Variants in SUN3 observed in about 807,000 individuals in gnomAD.
The protein encoded by SUN3 is SUN domain-containing protein 3.
Under a neutral mutation model 48.2 loss-of-function variants are expected in SUN3, and 36 were observed. That is an observed-to-expected ratio of 0.75 (90% CI 0.57 to 0.99). SUN3 has a LOEUF of 0.99. Among genes scored for constraint, SUN3 ranks in the 50% least tolerant of loss-of-function variants. SUN3 has a pLI of 0.00. For missense variants in SUN3, 419 were observed against 433.1 expected, an observed-to-expected ratio of 0.97 and a Z score of 0.29; for synonymous variants, 148 against 147.9, an observed-to-expected ratio of 1.00 and a Z score of 0.00.
chr7:48,034,764 C>A, the SUN3 span, among the ~76,000 whole-genome samples: 1 of 152,066 alleles, frequency 6.6e-6, no homozygotes, highest in Non-Finnish European at 1.5e-5. Flanking sequence ...TCTCAAAATC[C>A]AGGCAGGCAA....
intron 2 of SUN3, among the ~76,000 whole-genome samples, chr7:48,025,122 C>A (rs963083090): frequency 6.6e-6 from 1 of 152,116 alleles, no homozygotes; most frequent in Non-Finnish European, 1.5e-5. Context: ...CACAGCATCA[C>A]TATTCACAAT....
Position 48,007,343 on chromosome 7 carries a change from C to G in SUN3, c.330-16G>C. 6.2e-7 allele frequency: 1 copy of G among 1,610,046 alleles called. No homozygotes were observed. Among genetic ancestry groups the G allele is most frequent in the East Asian group, 2.2e-5 (1 of 44,880 alleles). Reference sequence around the variant, plus strand: ...GCTTTCCTTCCTGTAAAGGGAAAATCTCAGCATGAGAGGAAGAAAGTGTAA... The same window carrying G: ...GCTTTCCTTCCTGTAAAGGGAAAATGTCAGCATGAGAGGAAGAAAGTGTAA... On this transcript the variant is annotated splice_polypyrimidine_tract_variant and intron_variant, in intron 4 of 9. Transcript: ENST00000297325.
At chr7:47,988,247 CA>C (rs1449762346) in intron 9 of SUN3, among the ~76,000 whole-genome samples, 1 of 152,188 alleles carries the variant, frequency 6.6e-6, no homozygotes, top group Non-Finnish European at 1.5e-5. Flanking sequence ...TACATCTCTT[CA>C]GTTACTCCCT....
chr7:48,008,576 A>C (rs1351783349), intron 4 of SUN3, among the ~76,000 whole-genome samples: 1 of 152,230 alleles, frequency 6.6e-6, no homozygotes, highest in Non-Finnish European at 1.5e-5. Context: ...GTATTTTGTC[A>C]AGGAATGCTC....
intron 4 of SUN3, among the ~76,000 whole-genome samples, chr7:48,008,116 G>A (rs1260769236): frequency 3.3e-5 from 5 of 152,136 alleles, no homozygotes; most frequent in Admixed American, 1.3e-4. Context: ...GAGCCACCAC[G>A]CCCGGCCAAG....
chr7:48,033,764 T>C (rs1233884067), upstream of SUN3, among the ~76,000 whole-genome samples: 2 of 151,954 alleles, frequency 1.3e-5, no homozygotes, highest in African/African-American at 2.4e-5. Flanking sequence ...AAAAAAAGAA[T>C]AACCTTCTTG....
chr7:48,001,956 G>C (rs961331014), intron 6 of SUN3, among the ~76,000 whole-genome samples: 8 of 152,092 alleles, frequency 5.3e-5, no homozygotes, highest in African/African-American at 1.7e-4. Context: ...GGTTCAAATG[G>C]TATTTTTGTC....
chr7:47,990,539 C>T (rs1280875662), intron 8 of SUN3, among the ~76,000 whole-genome samples: 1 of 150,358 alleles, frequency 6.7e-6, no homozygotes, highest in African/African-American at 2.5e-5. Flanking sequence ...GCCCACTCTT[C>T]TTTCTCTATA....
intron 3 of SUN3, among the ~76,000 whole-genome samples, chr7:48,014,917 A>G (rs79838467): frequency 0.026 from 3,904 of 152,140 alleles, 163 homozygotes; most frequent in African/African-American, 0.089. Flanking sequence ...TTTCTTGGGG[A>G]ATCTCATTCT....
At chr7:47,992,522 G>A (rs551585000) in intron 8 of SUN3, among the ~76,000 whole-genome samples, 47 of 152,170 alleles carry the variant, frequency 3.1e-4, no homozygotes, top group Admixed American at 1.3e-3. Context: ...TCTTCCAGAA[G>A]GTGGAACAAA....
chr7:47,987,763 G>C (rs958591242), intron 9 of SUN3, among the ~76,000 whole-genome samples: 4 of 152,026 alleles, frequency 2.6e-5, no homozygotes, highest in African/African-American at 9.7e-5. Context: ...TGAACTCCAG[G>C]GCTCAAATGA....
intron 7 of SUN3, 149 bp from the exon 8 acceptor site, chr7:47,994,631 C>G: frequency 1.4e-6 from 1 of 716,300 alleles, no homozygotes; most frequent in Non-Finnish European, 2.2e-6. Context: ...GTTGTTCTTC[C>G]AGAGCACTGT....
At chr7:48,028,620 C>T (rs889742211) in intron 1 of SUN3, among the ~76,000 whole-genome samples, 197 bp downstream of exon 1, 1 of 151,792 alleles carries the variant, frequency 6.6e-6, no homozygotes, top group Admixed American at 6.6e-5. Context: ...ATCCAGATAC[C>T]GTTGACATAG....
intron 3 of SUN3, among the ~76,000 whole-genome samples, chr7:48,014,111 A>T (rs1271144478): frequency 6.6e-6 from 1 of 152,142 alleles, no homozygotes; most frequent in Non-Finnish European, 1.5e-5. Flanking sequence ...TACTACAGGC[A>T]TATTCCACCA....
chr7:48,023,626 A>G (rs373479948), intron 2 of SUN3, among the ~76,000 whole-genome samples: 129 of 152,318 alleles, frequency 8.5e-4, no homozygotes, highest in African/African-American at 3.0e-3. Flanking sequence ...CTTTCCAATC[A>G]AAAGGCAGAG....
chr7:48,026,526 AGGACT>A (rs1790138573), intron 1 of SUN3, among the ~76,000 whole-genome samples: 1 of 151,978 alleles, frequency 6.6e-6, no homozygotes, highest in South Asian at 2.1e-4. Context: ...AACCTCACCC[AGGACT>A]GGAAATTGAG....
chr7:48,011,546 C>T (rs1789683410), intron 3 of SUN3, among the ~76,000 whole-genome samples: 1 of 152,200 alleles, frequency 6.6e-6, no homozygotes, highest in African/African-American at 2.4e-5. Context: ...TTTTCACATT[C>T]TGTTTGAGCA....
chr7:48,023,948 GT>G (rs547508807), intron 2 of SUN3, among the ~76,000 whole-genome samples: 62 of 152,302 alleles, frequency 4.1e-4, no homozygotes, highest in African/African-American at 1.1e-3. Context: ...AGCCAATTCA[GT>G]TTTTGGAACA....
chr7:48,023,925 C>T (rs971269654), intron 2 of SUN3, among the ~76,000 whole-genome samples: 6 of 152,126 alleles, frequency 3.9e-5, no homozygotes, highest in Non-Finnish European at 8.8e-5. Context: ...CAGAAATAAA[C>T]CCATTCAACT....
Sources: allele counts gnomAD v4.1 joint callset (sites outside exome capture counted in the v4.1 genomes callset), GRCh38; gene constraint gnomAD v4.1.1; transcripts MANE v1.5; gene names NCBI Gene and HGNC (gene_info 2026-07-23, HGNC 2026-07-21).